Variants in CWC25 observed in about 807,000 individuals in gnomAD.
CWC25 encodes CWC25 spliceosome associated protein.
CWC25 carries 31 observed loss-of-function variants against 54.6 expected under a neutral mutation model. That is an observed-to-expected ratio of 0.57 (90% CI 0.43 to 0.77). The LOEUF (loss-of-function observed/expected upper bound fraction) is 0.77. Among genes scored for constraint, CWC25 ranks in the 30% least tolerant of loss-of-function variants. The pLI, the probability that CWC25 is intolerant of heterozygous loss-of-function variation, is 0.00. For missense variants in CWC25, 453 were observed against 529.3 expected (o/e 0.86, Z 1.41); for synonymous variants, 151 against 187.0 (o/e 0.81, Z 1.57).
At chr17:38,821,797 T>A (rs972160191) in intron 1 of CWC25, among the ~76,000 whole-genome samples, 1 of 140,188 alleles carries the variant, frequency 7.1e-6, no homozygotes, top group Non-Finnish European at 1.5e-5. Flanking sequence ...TTTTTTTTTT[T>A]AAAGTCTTAC....
At chr17:38,812,710 C>A in intron 4 of CWC25, 85 bp downstream of exon 4, 2 of 764,044 alleles carry the variant, frequency 2.6e-6, no homozygotes, top group African/African-American at 1.8e-5. Context: ...TGTTTTTCCC[C>A]TGGTAAGCTG....
At chr17:38,810,855 A>T (rs1294567849) in intron 4 of CWC25, among the ~76,000 whole-genome samples, 1 of 136,870 alleles carries the variant, frequency 7.3e-6, no homozygotes, top group African/African-American at 2.8e-5. Flanking sequence ...CAGGAGGCAG[A>T]GGTTGCAGTG....
intron 2 of CWC25, among the ~76,000 whole-genome samples, chr17:38,819,107 C>T (rs928858232): frequency 2.0e-5 from 3 of 152,064 alleles, no homozygotes; most frequent in Non-Finnish European, 4.4e-5. Flanking sequence ...ACTGTAGCCT[C>T]GAACTCCTGG....
intron 8 of CWC25, 61 bp downstream of exon 8, chr17:38,806,236 T>A (rs1911228581): frequency 7.2e-7 from 1 of 1,392,678 alleles, no homozygotes. Flanking sequence ...TTGCCATGGT[T>A]TGAGCCCCTT....
At chr17:38,811,016 A>T (rs1911464572) in intron 4 of CWC25, among the ~76,000 whole-genome samples, 1 of 151,424 alleles carries the variant, frequency 6.6e-6, no homozygotes, top group Non-Finnish European at 1.5e-5. Context: ...GAGGATCACA[A>T]GGTCAGGAGT....
chr17:38,813,545 T>C (rs967126878), intron 3 of CWC25, among the ~76,000 whole-genome samples: 1 of 127,018 alleles, frequency 7.9e-6, no homozygotes, highest in Non-Finnish European at 1.6e-5. Flanking sequence ...TAAGAGATTG[T>C]CTCAAAAAAA....
Position 38,820,997 on chromosome 17 carries a change from G to A in CWC25, c.95C>T (p.Ala32Val). Residue 32 changes from alanine (A) to valine (V), a missense_variant, in exon 2 of 10, where the codon GCT becomes GTT. Coordinates refer to ENST00000614790, the MANE Select transcript of CWC25 (RefSeq NM_017748.5). ...AAGCTCCTCAATCTTCTTCCGCTCA[G>A]CCTCATGCTTCTGCTCGGCCTTCCA... ...KVWKAEQKHE[A>V]ERKKIEELQR... 6.2e-7 allele frequency: 1 copy of A among 1,613,946 alleles called. No individual in the cohort carries two copies.
chr17:38,802,171 A>T lies in CWC25; in HGVS notation c.1199T>A (p.Leu400Gln), dbSNP rs1345329027. The T allele has an allele frequency of 1.2e-6, 2 of 1,613,760 alleles. No individual in the cohort carries two copies. Reference sequence around the variant, plus strand: ...GATATTCCGCTTCACCCGATCCTCCAGGGAGGAAGTAGATGCACTCTCCAG... The same window carrying T: ...GATATTCCGCTTCACCCGATCCTCCTGGGAGGAAGTAGATGCACTCTCCAG... ...MKLESASTSSLEDRVKRNIYS... is the reference protein window; with the variant it reads ...MKLESASTSSQEDRVKRNIYS... The change falls in exon 10 of 10, where the codon CTG becomes CAG. Residue 400 changes from leucine to glutamine, a missense_variant. This residue lies in a region of CWC25 where 444 missense variants were observed against 499.2 expected (regional missense o/e 0.89). Coordinates refer to ENST00000614790, the MANE Select transcript of CWC25 (RefSeq NM_017748.5).
Position 38,802,736 on chromosome 17 carries a change from A to T in CWC25, c.1127T>A (p.Leu376Gln). 1 of 1,614,048 alleles carries T rather than the reference A, an allele frequency of 6.2e-7. No homozygotes were observed. Among genetic ancestry groups the T allele is most frequent in the Non-Finnish European group, 8.5e-7 (1 of 1,179,902 alleles). Residue 376 changes from leucine (L) to glutamine (Q), a missense_variant, in exon 9 of 10, where the codon CTA (leucine) becomes CAA (glutamine). By Grantham distance (113) the Leu-to-Gln change is moderately radical. Transcript: ENST00000614790. ...CCCATCCCGGGAGTCCAGCTTCTCT[A>T]GCCTCTGCTCCCGTTCCTCATCCTT... Reference protein sequence around the residue: ...HAKDEEREQRLEKLDSRDGKF... With the variant: ...HAKDEEREQRQEKLDSRDGKF...
intron 1 of CWC25, among the ~76,000 whole-genome samples, chr17:38,824,653 T>G (rs553144924): frequency 1.1e-4 from 17 of 148,758 alleles, no homozygotes; most frequent in Non-Finnish European, 2.5e-4. Flanking sequence ...GCCATGGCAC[T>G]CCAGCCTGGG....
intron 2 of CWC25, among the ~76,000 whole-genome samples, chr17:38,818,870 C>G (rs568058159): frequency 6.6e-6 from 1 of 152,242 alleles, no homozygotes; most frequent in South Asian, 2.1e-4. Context: ...CCTCATTAAT[C>G]AGACTCCACA....
At chr17:38,816,997 AT>A (rs71352315) in intron 2 of CWC25, among the ~76,000 whole-genome samples, 2 of 150,914 alleles carry the variant, frequency 1.3e-5, no homozygotes. Flanking sequence ...ACCCTTTAGA[AT>A]TTTTTTCATA....
At chr17:38,805,040 G>C (rs1195853326) in intron 8 of CWC25, among the ~76,000 whole-genome samples, 1 of 151,974 alleles carries the variant, frequency 6.6e-6, no homozygotes, top group Admixed American at 6.6e-5. Context: ...CCAGGAGGCG[G>C]AAGTTGTGGT....
At position 38,820,519 on chromosome 17, in the gene CWC25, A is replaced by G. The variant is rs142852910; in HGVS notation, c.191+382T>C. 4.9e-3 allele frequency among the ~76,000 whole-genome samples: 752 copies of G among 152,204 alleles called. 8 individuals are homozygous for G. Among genetic ancestry groups the G allele is most frequent in the African/African-American group, 0.018 (727 of 41,540 alleles). On this transcript the variant is annotated intron_variant, in intron 2 of 9. Transcript: ENST00000614790. ...GTCCCCGCCGACCCAAGCAAGCCTG[A>G]AATACATTAACAAAGGCAGGACTGC...
At chr17:38,811,939 CTTA>C in intron 4 of CWC25, among the ~76,000 whole-genome samples, 1 of 150,872 alleles carries the variant, frequency 6.6e-6, no homozygotes, top group Admixed American at 6.6e-5. Context: ...CCCTAGAAGC[CTTA>C]TTTTTTTTTT....
In CWC25 at chr17:38,815,022, C is replaced by A. The variant is rs776265921; in HGVS notation, c.267G>T (p.Gly89=). The A allele has an allele frequency of 3.1e-6, 5 of 1,613,844 alleles. No individual in the cohort carries two copies. In the East Asian group the frequency reaches 1.1e-4, roughly 36 times the overall value. ...CAAAAACATATTTGTCAATGGGGCG[C>A]CCCAGCAGGTACTCGTCACGGTTCA... ...GMVNRDEYLL[G]RPIDKYVFEK... Residue 89 remains glycine, a synonymous_variant, in exon 3 of 10, where the codon GGG becomes GGT. Transcript: ENST00000614790.
At chr17:38,816,674 G>C (rs1195538136) in intron 2 of CWC25, among the ~76,000 whole-genome samples, 1 of 149,202 alleles carries the variant, frequency 6.7e-6, no homozygotes, top group Non-Finnish European at 1.5e-5. Context: ...AACCAACACT[G>C]CAGGGCCATG....
At chr17:38,819,969 G>A (rs1911856565) in intron 2 of CWC25, among the ~76,000 whole-genome samples, 1 of 144,886 alleles carries the variant, frequency 6.9e-6, no homozygotes, top group South Asian at 2.2e-4. Flanking sequence ...ATCGTGCCTG[G>A]CTAATTTTTT....
chr17:38,806,811 ACCT>A lies in CWC25; in HGVS notation c.853_855del (p.Arg285del). On this transcript the variant is annotated inframe_deletion, in exon 7 of 10. Transcript: ENST00000614790. ...CGTGACCTTCTGCCCAGGGATCGAG[ACCT>A]CCTGTCCCGGGACCCTGCTTCCCTG... 6.2e-7 allele frequency: 1 copy of A among 1,609,526 alleles called. No individual in the cohort carries two copies. The highest frequency in any genetic ancestry group is 8.5e-7 in the Non-Finnish European group (1 of 1,178,394).
Sources: gnomAD v4.1 joint callset for allele counts (sites outside exome capture counted in the v4.1 genomes callset) on GRCh38, gnomAD v4.1.1 for gene constraint, gnomAD v4.1.1 regional missense constraint, MANE v1.5 for transcripts, NCBI Gene and HGNC (gene_info 2026-07-23, HGNC 2026-07-21) for gene names.